IFNAR2: variants seen among roughly 807,000 people sequenced by gnomAD.
The protein encoded by IFNAR2 is interferon alpha and beta receptor subunit 2.
IFNAR2 carries 30 observed loss-of-function variants against 49.4 expected under a neutral mutation model. The observed-to-expected ratio is 0.61, with a 90% confidence interval of 0.45 to 0.82. The LOEUF (loss-of-function observed/expected upper bound fraction) is 0.82, where lower values mean the gene tolerates loss of function less well. IFNAR2 is among the 40% of genes least tolerant of loss of function. The pLI, the probability that IFNAR2 is intolerant of heterozygous loss-of-function variation, is 0.00. For synonymous variants in IFNAR2, 224 were observed against 234.5 expected, an observed-to-expected ratio of 0.96 and a Z score of 0.41; for missense variants, 600 against 622.7, an observed-to-expected ratio of 0.96 and a Z score of 0.39.
At chr21:33,244,261 C>A (rs569445246) in intron 3 of IFNAR2, among the ~76,000 whole-genome samples, 1 of 152,242 alleles carries the variant, frequency 6.6e-6, no homozygotes, top group South Asian at 2.1e-4. Context: ...AAAATTTAAC[C>A]GTATAAGGCA....
intron 1 of IFNAR2, among the ~76,000 whole-genome samples, chr21:33,235,315 C>G (rs1986365999): frequency 2.0e-5 from 3 of 152,192 alleles, no homozygotes; most frequent in Admixed American, 2.0e-4. Flanking sequence ...AGCTGCTACT[C>G]AAGATGGAGT....
chr21:33,247,923 G>A (rs1475831066), intron 5 of IFNAR2, among the ~76,000 whole-genome samples: 1 of 152,210 alleles, frequency 6.6e-6, no homozygotes, highest in Non-Finnish European at 1.5e-5. Context: ...GGATTTGTGT[G>A]CATGTTTACG....
intron 7 of IFNAR2, among the ~76,000 whole-genome samples, chr21:33,256,416 C>T (rs188231082): frequency 4.6e-5 from 7 of 152,340 alleles, no homozygotes; most frequent in Admixed American, 4.6e-4. Flanking sequence ...AACGTGGCCT[C>T]TGTCACTATC....
chr21:33,244,975 T>C lies in IFNAR2; in HGVS notation c.122T>C (p.Phe41Ser), dbSNP rs149204840. ...SPDYTDESCTFKISLRNFRSI... is the reference protein window; with the variant it reads ...SPDYTDESCTSKISLRNFRSI... ...GATTACACAGATGAATCTTGCACTT[T>C]CAAGATATCATTGCGAAATTTCCGG... The change falls in exon 4 of 9, where the codon TTC becomes TCC. Residue 41 changes from phenylalanine to serine, a missense_variant. Transcript: ENST00000342136. 29 of 1,612,802 alleles carry C rather than the reference T, an allele frequency of 1.8e-5. No homozygotes were observed. The East Asian group carries it at 6.2e-4, about 35-fold the overall frequency.
In IFNAR2 at chr21:33,241,988, C is replaced by T. The variant is rs1986972478; in HGVS notation, c.55+11C>T. 1 of 1,609,168 alleles carries T rather than the reference C, an allele frequency of 6.2e-7. No homozygotes were observed. The highest frequency in any genetic ancestry group is 8.5e-7 in the Non-Finnish European group (1 of 1,178,076). ...ATTTGGTTCTCATGGGTAAGTGCTG[C>T]TTTTTATCTTAGCTCTTATAGAAGC... On this transcript the variant is annotated intron_variant, in intron 2 of 8. Coordinates refer to ENST00000342136, the MANE Select transcript of IFNAR2 (RefSeq NM_001289125.3).
At position 33,245,069 on chromosome 21, in the gene IFNAR2, C is replaced by G. The variant is rs1175494196; in HGVS notation, c.216C>G (p.Ile72Met). 5 of 1,607,072 alleles carry G rather than the reference C, an allele frequency of 3.1e-6. No individual in the cohort carries two copies. Among genetic ancestry groups the G allele is most frequent in the Non-Finnish European group, 4.3e-6 (5 of 1,173,836 alleles). Residue 72 changes from isoleucine to methionine, a missense_variant, in exon 4 of 9, where the codon ATC becomes ATG. Ile to Met is a conservative substitution (Grantham distance 10). Transcript: ENST00000342136. Reference protein sequence around the residue: ...VPTHYTLLYTIMSKPEDLKVV... With the variant: ...VPTHYTLLYTMMSKPEDLKVV... The stretch of plus-strand genomic sequence containing the variant: ...CTCACTATACATTGCTGTATACAAT[C>G]ATGAGGTTGGTTTGATATTTCATTT...
At position 33,260,889 on chromosome 21, in the gene IFNAR2, T is replaced by C. The variant is rs867246508; in HGVS notation, c.840+162T>C. On this transcript the variant is annotated intron_variant, in intron 8 of 8. Coordinates refer to ENST00000342136, the MANE Select transcript of IFNAR2 (RefSeq NM_001289125.3). ...GTTCTTTTCCATATCTATAAATGTA[T>C]ATTTTGCAGGGTTTTTGTTTTGTTT... 1.1e-3 allele frequency among the ~76,000 whole-genome samples: 160 copies of C among 152,186 alleles called. 1 individual carries two copies. The highest frequency in any genetic ancestry group is 3.8e-3 in the African/African-American group (156 of 41,566).
intron 1 of IFNAR2, among the ~76,000 whole-genome samples, chr21:33,233,832 A>G (rs538910884): frequency 1.3e-5 from 2 of 152,276 alleles, no homozygotes; most frequent in South Asian, 4.1e-4. Context: ...CTATTTAAAT[A>G]TAGAAGTAAT....
chr21:33,261,149 G>A (rs1425326313), intron 8 of IFNAR2, among the ~76,000 whole-genome samples: 1 of 145,572 alleles, frequency 6.9e-6, no homozygotes, highest in Non-Finnish European at 1.5e-5. Context: ...CAATTCTCGT[G>A]CCTCAGCCTC....
intron 1 of IFNAR2, among the ~76,000 whole-genome samples, chr21:33,232,772 G>A (rs1228895848): frequency 6.6e-6 from 1 of 152,110 alleles, no homozygotes; most frequent in African/African-American, 2.4e-5. Context: ...AAGGTTCACT[G>A]GGCACCAACC....
At chr21:33,234,691 T>C in intron 1 of IFNAR2, 5 of 965,834 alleles carry the variant, frequency 5.2e-6, no homozygotes, top group Non-Finnish European at 6.2e-6. Flanking sequence ...TCAGGGTGAA[T>C]AGCAGGTAGA....
chr21:33,238,592 A>G (rs1306570639), intron 1 of IFNAR2, among the ~76,000 whole-genome samples: 1 of 152,148 alleles, frequency 6.6e-6, no homozygotes, highest in Non-Finnish European at 1.5e-5. Context: ...TCTGATTATG[A>G]CTCAAAATTT....
intron 7 of IFNAR2, among the ~76,000 whole-genome samples, chr21:33,253,683 T>A (rs1988020186): frequency 2.6e-5 from 4 of 152,184 alleles, no homozygotes; most frequent in Non-Finnish European, 4.4e-5. Context: ...GGGCTGCTGG[T>A]TGCCCATTTT....
chr21:33,238,424 C>G (rs1221231364), intron 1 of IFNAR2, among the ~76,000 whole-genome samples: 1 of 152,000 alleles, frequency 6.6e-6, no homozygotes, highest in East Asian at 1.9e-4. Context: ...TGATATTTCC[C>G]CAGTGTTTGG....
At chr21:33,247,250 C>CTTTT (rs1476408945) in intron 5 of IFNAR2, among the ~76,000 whole-genome samples, 2 of 83,770 alleles carry the variant, frequency 2.4e-5, no homozygotes, top group African/African-American at 4.3e-5. Flanking sequence ...TTCTTTCTTT[C>CTTTT]TTTCTTTTTT....
chr21:33,241,444 TAGAA>T (rs1206575508), intron 1 of IFNAR2, among the ~76,000 whole-genome samples: 17 of 152,176 alleles, frequency 1.1e-4, no homozygotes, highest in Non-Finnish European at 2.2e-4. Context: ...AAAACAAGGA[TAGAA>T]AGATCTTCCA....
intron 1 of IFNAR2, among the ~76,000 whole-genome samples, chr21:33,235,649 G>A (rs184604274): frequency 9.9e-5 from 15 of 152,222 alleles, no homozygotes; most frequent in Middle Eastern, 3.4e-3. Context: ...AAAATAGGCC[G>A]GGCATGGTGG....
rs550212446 is a variant in IFNAR2 at position 33,246,558 on chromosome 21, A to T, written c.222-160A>T. ...TTGAAAGTGCAGGGGTGGGGAGGGC[A>T]TAAGATGTTCCATTTTCAATAAGAT... On this transcript the variant is annotated intron_variant, in intron 4 of 8. Transcript: ENST00000342136. 129 of 163,078 alleles carry T rather than the reference A, an allele frequency of 7.9e-4. 1 individual carries two copies. The highest frequency in any genetic ancestry group is 3.0e-3 in the African/African-American group (126 of 41,782). The allele number at this position is 163,078 out of a possible 1,614,324, so 10.1% of individuals were successfully genotyped here. A position where few individuals can be genotyped will look rare whatever the true frequency, so the allele number is the denominator to read the frequency against.
At position 33,245,188 on chromosome 21, in the gene IFNAR2, CCTT is replaced by C. The variant is rs532603715; in HGVS notation, c.221+117_221+119del. 185 of 763,886 alleles carry C rather than the reference CCTT, an allele frequency of 2.4e-4. 1 individual carries two copies. The African/African-American group carries it at 2.8e-3, about 12-fold the overall frequency. The allele number at this position is 763,886 out of a possible 1,614,324, so 47.3% of individuals were successfully genotyped here. On this transcript the variant is annotated intron_variant, in intron 4 of 8. Transcript: ENST00000342136. ...CCTCTCCCTTTTCCTATCTACCTCT[CCTT>C]CTCTCTGCGTTTCTTATTCAGAGCC...
Sources: allele counts gnomAD v4.1 joint callset (sites outside exome capture counted in the v4.1 genomes callset), GRCh38; gene constraint gnomAD v4.1.1; transcripts MANE v1.5; gene names NCBI Gene and HGNC (gene_info 2026-07-23, HGNC 2026-07-21).